The following BBS1 variants were observed in gnomAD, a reference collection of about 807,000 sequenced individuals.
The protein encoded by BBS1 is BBSome complex member BBS1.
In BBS1, 60 loss-of-function variants were observed where a neutral mutation model predicts 73.9. The observed-to-expected ratio is 0.81, with a 90% CI of 0.66 to 1.01. The LOEUF (loss-of-function observed/expected upper bound fraction) is 1.01, where lower values mean the gene tolerates loss of function less well. BBS1 is among the 50% of genes least tolerant of loss of function. The pLI is 0.00. For missense variants in BBS1, 718 were observed against 770.3 expected (o/e 0.93, Z 0.80); for synonymous variants, 283 against 317.4 (o/e 0.89, Z 1.15).
chr11:66,523,932 C>T (rs1278258647), intron 11 of BBS1, 50 bp downstream of exon 11: 1 of 1,607,194 alleles, frequency 6.2e-7, no homozygotes, highest in Non-Finnish European at 8.5e-7. Context: ...GCCCTCGTCT[C>T]ACCTCTGGGG....
At chr11:66,526,582 G>GA (rs2134811730) in intron 12 of BBS1, 67 bp from the exon 13 acceptor site, 1 of 1,604,840 alleles carries the variant, frequency 6.2e-7, no homozygotes, top group Admixed American at 1.7e-5. Context: ...ATTGTTTGGG[G>GA]AAGAAAGAAT....
intron 3 of BBS1, 120 bp downstream of exon 3, chr11:66,511,359 C>T: frequency 8.1e-7 from 1 of 1,228,416 alleles, no homozygotes; most frequent in South Asian, 1.4e-5. Flanking sequence ...TGTGAAAAAG[C>T]ACATTTAGCG....
chr11:66,528,316 A>G (rs781764782), intron 13 of BBS1, among the ~76,000 whole-genome samples: 3 of 152,264 alleles, frequency 2.0e-5, no homozygotes, highest in Non-Finnish European at 4.4e-5. Context: ...AGAGTTACCA[A>G]GTTGCAGGAT....
chr11:66,531,414 G>A (rs1255859561), intron 15 of BBS1, among the ~76,000 whole-genome samples: 2 of 152,138 alleles, frequency 1.3e-5, no homozygotes, highest in African/African-American at 4.8e-5. Context: ...GCAAAAGGCT[G>A]GAATATGCAA....
rs202205304 is a variant in BBS1, at chr11:66,530,955, G to T, written c.1535G>T (p.Arg512Leu). 2.5e-6 allele frequency: 4 copies of T among 1,614,072 alleles called. No individual in the cohort carries two copies. In the Admixed American group the frequency reaches 5.0e-5, roughly 20 times the overall value. ...TLHLQNTSTT[R>L]PVLGLLVCFL... The stretch of plus-strand genomic sequence containing the variant: ...CACCTGCAGAACACCTCAACAACCC[G>T]TCCTGTCCTGGGGCTGCTGGTCTGC... Residue 512 changes from arginine to leucine, a missense_variant, in exon 15 of 17, where the codon CGT becomes CTT. Arg to Leu is a moderately radical substitution (Grantham distance 102). Coordinates refer to ENST00000318312, the MANE Select transcript of BBS1 (RefSeq NM_024649.5).
intron 13 of BBS1, chr11:66,527,207 C>CAAA (rs201003949): frequency 6.3e-5 from 28 of 447,794 alleles, no homozygotes; most frequent in South Asian, 8.9e-5. Context: ...ACTTCTTTCT[C>CAAA]AAAAAAAAAA....
At position 66,514,396 on chromosome 11, in the gene BBS1, C is replaced by T; in HGVS notation, c.160-10C>T. 1 of 1,614,014 alleles carries T rather than the reference C, an allele frequency of 6.2e-7. No homozygotes were observed. The highest frequency in any genetic ancestry group is 1.3e-5 in the African/African-American group (1 of 75,070). On this transcript the variant is annotated splice_polypyrimidine_tract_variant and intron_variant, in intron 3 of 16. Coordinates refer to ENST00000318312, the MANE Select transcript of BBS1 (RefSeq NM_024649.5). ...CCCTGAGCCTAGAATGAGCCATCCT[C>T]TCCCTGCAGCTGGTGGTAGGGGACC... is the stretch of plus-strand genomic sequence containing the variant.
chr11:66,521,439 G>A (rs1856213240), intron 9 of BBS1, 63 bp downstream of exon 9: 3 of 1,326,582 alleles, frequency 2.3e-6, no homozygotes, highest in Non-Finnish European at 3.2e-6. Flanking sequence ...GGCTTCAGAG[G>A]CTTGCAAGAT....
chr11:66,531,051 A>C, intron 15 of BBS1, 23 bp downstream of exon 15: 1 of 1,613,826 alleles, frequency 6.2e-7, no homozygotes, highest in South Asian at 1.1e-5. Flanking sequence ...CCTCACTTAG[A>C]TATGGAGTGG....
Position 66,526,752 on chromosome 11 carries a change from C to T in BBS1, c.1284C>T (p.Pro428=), listed in dbSNP as rs1856523267. Residue 428 remains proline (P), a synonymous_variant, in exon 13 of 17, where the codon CCC becomes CCT. Coordinates refer to ENST00000318312, the MANE Select transcript of BBS1 (RefSeq NM_024649.5). ...CCCAGGCCATGAAACTCAATGTGCC[C>T]CGAAAGACCCGGCTTTACGTGGATC... is the stretch of plus-strand genomic sequence containing the variant. ...PPAQAMKLNV[P]RKTRLYVDQT... 6.2e-7 allele frequency: 1 copy of T among 1,614,096 alleles called. No homozygotes were observed. The highest frequency in any genetic ancestry group is 1.7e-5 in the Admixed American group (1 of 59,998).
At chr11:66,513,150 A>G (rs1855985589) in intron 3 of BBS1, among the ~76,000 whole-genome samples, 1 of 151,990 alleles carries the variant, frequency 6.6e-6, no homozygotes, top group Non-Finnish European at 1.5e-5. Flanking sequence ...CGGGAGCGCC[A>G]ACGAGAACAA....
chr11:66,512,683 A>C (rs1385846421), intron 3 of BBS1, among the ~76,000 whole-genome samples: 1 of 152,128 alleles, frequency 6.6e-6, no homozygotes, highest in Non-Finnish European at 1.5e-5. Context: ...GCTAATAAGA[A>C]ATGTTAGCCA....
rs763176214 is a variant in BBS1 at position 66,526,106 on chromosome 11, C to A, written c.1111-17C>A. 1.2e-5 allele frequency: 19 copies of A among 1,614,026 alleles called. No homozygotes were observed. In the South Asian group the frequency reaches 2.1e-4, roughly 18 times the overall value. ...TCCAAGATATTTCCCCAACTAAACT[C>A]TGACGTCTCCACATAGGATGCAGTG... is the stretch of plus-strand genomic sequence containing the variant. On this transcript the variant is annotated splice_polypyrimidine_tract_variant and intron_variant, in intron 11 of 16. Coordinates refer to ENST00000318312, the MANE Select transcript of BBS1 (RefSeq NM_024649.5).
chr11:66,531,582 G>A, intron 15 of BBS1, 74 bp from the exon 16 acceptor site: 4 of 1,593,252 alleles, frequency 2.5e-6, no homozygotes, highest in South Asian at 1.1e-5. Context: ...GGAGACTGCG[G>A]GCCTGAATGC....
At chr11:66,512,040 A>G (rs893461835) in intron 3 of BBS1, among the ~76,000 whole-genome samples, 17 of 147,148 alleles carry the variant, frequency 1.2e-4, no homozygotes, top group African/African-American at 4.2e-4. Flanking sequence ...ATGTATATAT[A>G]TGTATATATA....
intron 8 of BBS1, chr11:66,520,829 G>C: frequency 3.6e-6 from 1 of 277,562 alleles, no homozygotes; most frequent in South Asian, 3.9e-5. Flanking sequence ...TGCCACCTGG[G>C]CTCAAACAGT....
intron 13 of BBS1, chr11:66,529,389 G>T: frequency 7.5e-7 from 1 of 1,338,086 alleles, no homozygotes; most frequent in Non-Finnish European, 1.0e-6. Flanking sequence ...AGGCAGGCGA[G>T]GGTGCTCACT....
chr11:66,523,894 C>A lies in BBS1; in HGVS notation c.1110+12C>A. The stretch of plus-strand genomic sequence containing the variant: ...TCATCCACACCCCGGTGAGCCCCAT[C>A]TCCGGCATCTGCCACTCACTCCTCC... On this transcript the variant is annotated intron_variant, in intron 11 of 16. Transcript: ENST00000318312. The A allele has an allele frequency of 6.2e-7, 1 of 1,612,296 alleles. No homozygotes were observed. The highest frequency in any genetic ancestry group is 8.5e-7 in the Non-Finnish European group (1 of 1,180,022).
At chr11:66,526,347 C>G (rs1443419798) in intron 12 of BBS1, among the ~76,000 whole-genome samples, 155 bp downstream of exon 12, 1 of 152,220 alleles carries the variant, frequency 6.6e-6, no homozygotes, top group African/African-American at 2.4e-5. Context: ...TAGGCCTCCA[C>G]TGGGACAGCC....
Sources: allele counts gnomAD v4.1 joint callset (sites outside exome capture counted in the v4.1 genomes callset), GRCh38; gene constraint gnomAD v4.1.1; transcripts MANE v1.5; gene names NCBI Gene and HGNC (gene_info 2026-07-23, HGNC 2026-07-21).